The following SLC44A3 variants were observed in gnomAD, a reference collection of about 807,000 sequenced individuals.
SLC44A3 encodes the protein solute carrier family 44 member 3.
Under a neutral mutation model 75.4 loss-of-function variants are expected in SLC44A3, and 74 were observed. That is an observed-to-expected ratio of 0.98 (90% confidence interval 0.81 to 1.19). SLC44A3 has a LOEUF of 1.19. SLC44A3 is among the 50% of genes most tolerant of loss of function. The pLI, the probability that SLC44A3 is intolerant of heterozygous loss-of-function variation, is 0.00. For synonymous variants in SLC44A3, 310 were observed against 296.9 expected (o/e 1.04, Z -0.45); for missense variants, 700 against 778.6 (o/e 0.90, Z 1.20).
intron 5 of SLC44A3, among the ~76,000 whole-genome samples, chr1:94,833,745 T>A (rs888163868): frequency 2.0e-5 from 3 of 152,060 alleles, no homozygotes; most frequent in African/African-American, 7.2e-5. Context: ...TGGAGTCACA[T>A]GACAAGTCTA....
At chr1:94,826,038 A>G (rs1160396058) in intron 3 of SLC44A3, 2 of 399,802 alleles carry the variant, frequency 5.0e-6, no homozygotes, top group East Asian at 1.5e-4. Context: ...TGATATGTAT[A>G]TTACAATGAA....
intron 12 of SLC44A3, among the ~76,000 whole-genome samples, chr1:94,889,934 T>C (rs1670027256): frequency 6.6e-6 from 1 of 151,986 alleles, no homozygotes; most frequent in African/African-American, 2.4e-5. Flanking sequence ...CACCGCAAAC[T>C]CCGCCTCCCG....
At chr1:94,841,876 C>A in intron 7 of SLC44A3, 124 bp from the exon 8 acceptor site, 1 of 1,308,914 alleles carries the variant, frequency 7.6e-7, no homozygotes, top group Non-Finnish European at 1.0e-6. Flanking sequence ...TATTTGGGAC[C>A]CACTGCCAGA....
At chr1:94,872,590 T>C (rs1667884931) in intron 12 of SLC44A3, among the ~76,000 whole-genome samples, 1 of 152,160 alleles carries the variant, frequency 6.6e-6, no homozygotes, top group Non-Finnish European at 1.5e-5. Flanking sequence ...TTCAGTCAGG[T>C]ATAGCAGCAG....
intron 12 of SLC44A3, 35 bp from the exon 13 acceptor site, chr1:94,891,095 A>C (rs766980547): frequency 6.4e-7 from 1 of 1,563,046 alleles, no homozygotes; most frequent in Admixed American, 2.0e-5. Context: ...AATTGTTATA[A>C]GAATTATCTT....
At chr1:94,890,711 G>A (rs1241576245) in intron 12 of SLC44A3, among the ~76,000 whole-genome samples, 1 of 152,144 alleles carries the variant, frequency 6.6e-6, no homozygotes, top group East Asian at 1.9e-4. Context: ...CGCCAGGGTG[G>A]TGGCTCTCGC....
intron 9 of SLC44A3, among the ~76,000 whole-genome samples, chr1:94,848,922 G>GA: frequency 1.3e-5 from 2 of 152,226 alleles, no homozygotes; most frequent in East Asian, 3.9e-4. Context: ...GGCAAAGGGG[G>GA]ATGCAGCAGA....
At chr1:94,864,186 T>TGAC in intron 10 of SLC44A3, among the ~76,000 whole-genome samples, 1 of 152,268 alleles carries the variant, frequency 6.6e-6, no homozygotes, top group East Asian at 1.9e-4. Flanking sequence ...CACACTGAAG[T>TGAC]GACCTTTAAA....
Position 94,825,971 on chromosome 1 carries a change from G to A in SLC44A3, c.278+1336G>A, listed in dbSNP as rs550833260. 1.3e-5 allele frequency: 6 copies of A among 454,866 alleles called. No individual in the cohort carries two copies. The East Asian group carries it at 3.5e-4, about 26-fold the overall frequency. The allele number at this position is 454,866 out of a possible 1,614,324, so 28.2% of individuals were successfully genotyped here. On this transcript the variant is annotated intron_variant, in intron 3 of 14. Transcript: ENST00000271227. The stretch of plus-strand genomic sequence containing the variant: ...AGTATACATTCCATTATTCTCAAAA[G>A]CCAAAAGGTAGAAGCAACTCAAGTG...
At chr1:94,830,167 G>A (rs1661931286) in intron 5 of SLC44A3, among the ~76,000 whole-genome samples, 1 of 152,068 alleles carries the variant, frequency 6.6e-6, no homozygotes, top group Non-Finnish European at 1.5e-5. Flanking sequence ...AGTAATTGAA[G>A]GAGGAGAGAA....
chr1:94,820,743 G>T, intron 1 of SLC44A3: 2 of 1,393,556 alleles, frequency 1.4e-6, no homozygotes, highest in Non-Finnish European at 1.9e-6. Flanking sequence ...TGGCGGCAGG[G>T]GGCTTAACAT....
At chr1:94,837,913 T>A in intron 6 of SLC44A3, 42 bp downstream of exon 6, 1 of 1,505,290 alleles carries the variant, frequency 6.6e-7, no homozygotes, top group Non-Finnish European at 8.9e-7. Flanking sequence ...GTTTATGGAA[T>A]GCCAAAGTTC....
intron 10 of SLC44A3, among the ~76,000 whole-genome samples, chr1:94,858,731 G>A (rs939394025): frequency 3.9e-5 from 6 of 152,024 alleles, no homozygotes; most frequent in Middle Eastern, 3.4e-3. Context: ...TTGCTCTGTC[G>A]CCCAGGCTGG....
chr1:94,841,878 A>G, intron 7 of SLC44A3, 122 bp from the exon 8 acceptor site: 1 of 1,351,014 alleles, frequency 7.4e-7, no homozygotes. Flanking sequence ...TTTGGGACCC[A>G]CTGCCAGAGC....
chr1:94,861,717 T>C (rs1666599345), intron 10 of SLC44A3, among the ~76,000 whole-genome samples: 1 of 152,200 alleles, frequency 6.6e-6, no homozygotes, highest in Non-Finnish European at 1.5e-5. Context: ...CCAGGGTGCA[T>C]TCATCTTTGT....
intron 7 of SLC44A3, among the ~76,000 whole-genome samples, chr1:94,841,134 T>C (rs1244368701): frequency 1.3e-5 from 2 of 152,178 alleles, no homozygotes; most frequent in African/African-American, 4.8e-5. Context: ...CTGCACAGCA[T>C]GCTACTGTAC....
Position 94,824,489 on chromosome 1 carries a change from C to A in SLC44A3, c.136-4C>A. 1 of 1,590,510 alleles carries A rather than the reference C, an allele frequency of 6.3e-7. No individual in the cohort carries two copies. Among genetic ancestry groups the A allele is most frequent in the Non-Finnish European group, 8.5e-7 (1 of 1,171,592 alleles). On this transcript the variant is annotated splice_polypyrimidine_tract_variant and splice_region_variant and intron_variant, in intron 2 of 14. Transcript: ENST00000271227. ...AGGCTCTCATATGCCCCCGTTTTTG[C>A]CAGGTGTTTATCATGGGCTACTCGG... is the stretch of plus-strand genomic sequence containing the variant.
In SLC44A3 at chr1:94,881,247, G is replaced by A. The variant is rs1668934646; in HGVS notation, c.1483-9883G>A. On this transcript the variant is annotated intron_variant, in intron 12 of 14. Transcript: ENST00000271227. The stretch of plus-strand genomic sequence containing the variant: ...GCAGCTCTGGCTTCCTCACCCCTAG[G>A]CTCACCAACAGTGTGCTTGTGGAGG... Among the ~76,000 whole-genome samples, 2 of 151,996 alleles carry A rather than the reference G, an allele frequency of 1.3e-5. 1 individual carries two copies. Among genetic ancestry groups the A allele is most frequent in the South Asian group, 4.2e-4 (2 of 4,818 alleles).
intron 9 of SLC44A3, chr1:94,855,125 C>T (rs930488905): frequency 2.6e-5 from 4 of 152,204 alleles, no homozygotes. Flanking sequence ...ACTTCAGCTG[C>T]TCCCACCGCT....
Sources: allele counts gnomAD v4.1 joint callset (sites outside exome capture counted in the v4.1 genomes callset), GRCh38; gene constraint gnomAD v4.1.1; transcripts MANE v1.5; gene names NCBI Gene and HGNC (gene_info 2026-07-23, HGNC 2026-07-21).